Variants in TXNDC16 observed in about 807,000 individuals in gnomAD.
TXNDC16 encodes the protein thioredoxin domain-containing protein 16.
TXNDC16 carries 74 observed loss-of-function variants against 85.6 expected under a neutral mutation model. The ratio of observed to expected loss-of-function variants is 0.86; its 90% CI spans 0.72 to 1.05. The LOEUF (loss-of-function observed/expected upper bound fraction) is 1.05. TXNDC16 is among the 50% of genes least tolerant of loss of function. The probability of loss-of-function intolerance (pLI) is 0.00; values close to 1 mark genes in which losing one functional copy is unlikely to be tolerated. For missense variants in TXNDC16, 959 were observed against 947.0 expected (o/e 1.01, Z -0.17); for synonymous variants, 335 against 326.5 (o/e 1.03, Z -0.28).
intron 7 of TXNDC16, among the ~76,000 whole-genome samples, chr14:52,516,238 C>T (rs375036895): frequency 2.6e-5 from 4 of 152,122 alleles, no homozygotes; most frequent in Non-Finnish European, 5.9e-5. Flanking sequence ...TTATTGCTTC[C>T]TTGTGCCCAT....
intron 14 of TXNDC16, 78 bp downstream of exon 14, chr14:52,482,152 A>AT: frequency 1.5e-6 from 2 of 1,337,686 alleles, no homozygotes; most frequent in Non-Finnish European, 1.0e-6. Flanking sequence ...GGTTTTCTAT[A>AT]TTTTTTGCAT....
chr14:52,494,752 T>A (rs1340990243), intron 9 of TXNDC16, among the ~76,000 whole-genome samples: 2 of 152,248 alleles, frequency 1.3e-5, no homozygotes, highest in Non-Finnish European at 2.9e-5. Context: ...TATATATTTT[T>A]AAAATATCAC....
At chr14:52,549,786 C>T (rs539360911) in intron 1 of TXNDC16, among the ~76,000 whole-genome samples, 1 of 151,946 alleles carries the variant, frequency 6.6e-6, no homozygotes, top group East Asian at 1.9e-4. Context: ...TACAGGCGCC[C>T]GCCACCACAC....
chr14:52,524,145 G>T (rs2037273037), intron 6 of TXNDC16, among the ~76,000 whole-genome samples: 1 of 152,230 alleles, frequency 6.6e-6, no homozygotes, highest in Non-Finnish European at 1.5e-5. Flanking sequence ...AACAGCATGG[G>T]CACAGTTCAG....
Position 52,486,377 on chromosome 14 carries a change from G to A in TXNDC16, c.1108+1986C>T, listed in dbSNP as rs377327127. On this transcript the variant is annotated intron_variant, in intron 12 of 20. Transcript: ENST00000281741. The stretch of plus-strand genomic sequence containing the variant: ...CAGCTCACTGCAACCTCCAGCTCCT[G>A]GGCTCAAGTAATCCTCCCACCTCAG... Among the ~76,000 whole-genome samples the A allele has an allele frequency of 3.8e-4, 57 of 148,322 alleles. 1 individual carries two copies. The highest frequency in any genetic ancestry group is 3.6e-3 in the East Asian group (18 of 5,016).
chr14:52,439,405 G>C lies in TXNDC16; in HGVS notation c.2004-11C>G. The C allele has an allele frequency of 6.3e-7, 1 of 1,594,154 alleles. No homozygotes were observed. Among genetic ancestry groups the C allele is most frequent in the Non-Finnish European group, 8.6e-7 (1 of 1,168,488 alleles). Reference sequence around the variant, plus strand: ...ACTGGAGTATTCTTTCTGCAAAAGGGAACAATTGAACATATTAATATTTCT... The same window carrying C: ...ACTGGAGTATTCTTTCTGCAAAAGGCAACAATTGAACATATTAATATTTCT... On this transcript the variant is annotated splice_polypyrimidine_tract_variant and intron_variant, in intron 19 of 20. Transcript: ENST00000281741.
Position 52,529,899 on chromosome 14 carries a change from AT to A in TXNDC16, c.392+6819del, listed in dbSNP as rs1423648974. On this transcript the variant is annotated intron_variant, in intron 6 of 20. Coordinates refer to ENST00000281741, the MANE Select transcript of TXNDC16 (RefSeq NM_020784.3). ...ATTATATATATGAATTATATATTAT[AT>A]ATTATATATTATATAATATACATTA... 5.8e-5 allele frequency among the ~76,000 whole-genome samples: 6 copies of A among 103,884 alleles called. No individual in the cohort carries two copies. The East Asian group carries it at 1.8e-3, about 31-fold the overall frequency. 68.2% of individuals were successfully genotyped at this position (103,884 alleles called of 152,430 possible).
At chr14:52,461,002 T>C (rs1025170776) in intron 16 of TXNDC16, among the ~76,000 whole-genome samples, 3 of 151,612 alleles carry the variant, frequency 2.0e-5, no homozygotes, top group African/African-American at 7.2e-5. Flanking sequence ...TGTAATCTCA[T>C]AACAATTTTG....
chr14:52,524,186 ACTTT>A (rs2037274072), intron 6 of TXNDC16, among the ~76,000 whole-genome samples: 1 of 152,228 alleles, frequency 6.6e-6, no homozygotes, highest in South Asian at 2.1e-4. Context: ...TGTAAAAGTA[ACTTT>A]CCCCCGAGGT....
chr14:52,458,534 G>A (rs58797665), intron 16 of TXNDC16, among the ~76,000 whole-genome samples: 2,348 of 151,568 alleles, frequency 0.015, 48 homozygotes, highest in African/African-American at 0.054. Flanking sequence ...GCCACAGAGC[G>A]AGACTCTGTC....
intron 18 of TXNDC16, among the ~76,000 whole-genome samples, chr14:52,443,544 A>G (rs527839580): frequency 6.6e-6 from 1 of 152,314 alleles, no homozygotes; most frequent in East Asian, 1.9e-4. Context: ...TGTGTGCTTG[A>G]GCAGGGATTT....
At chr14:52,530,938 GAAA>G (rs1223238459) in intron 6 of TXNDC16, among the ~76,000 whole-genome samples, 1 of 151,694 alleles carries the variant, frequency 6.6e-6, no homozygotes, top group African/African-American at 2.4e-5. Flanking sequence ...AAATACTTGT[GAAA>G]AATATATCTG....
At chr14:52,537,095 C>CACAT (rs1366350538) in intron 5 of TXNDC16, among the ~76,000 whole-genome samples, 5 of 150,014 alleles carry the variant, frequency 3.3e-5, no homozygotes, top group African/African-American at 1.2e-4. Flanking sequence ...CACACACACA[C>CACAT]ACATTCCCCA....
intron 1 of TXNDC16, among the ~76,000 whole-genome samples, chr14:52,544,768 T>C (rs1486825815): frequency 6.6e-6 from 1 of 152,018 alleles, no homozygotes; most frequent in Non-Finnish European, 1.5e-5. Context: ...AGAGGCAGTA[T>C]ATATCAAACA....
chr14:52,519,558 A>G (rs2037163147), intron 6 of TXNDC16, among the ~76,000 whole-genome samples: 1 of 152,194 alleles, frequency 6.6e-6, no homozygotes, highest in South Asian at 2.1e-4. Flanking sequence ...TGTATTCACT[A>G]ACACCCTAGT....
intron 9 of TXNDC16, among the ~76,000 whole-genome samples, chr14:52,492,494 C>T (rs1262360808): frequency 6.6e-6 from 1 of 152,176 alleles, no homozygotes; most frequent in Non-Finnish European, 1.5e-5. Context: ...CCAGACAAGA[C>T]TCAACCACAC....
chr14:52,447,705 A>T (rs2035317408), intron 18 of TXNDC16, among the ~76,000 whole-genome samples: 1 of 152,174 alleles, frequency 6.6e-6, no homozygotes, highest in Non-Finnish European at 1.5e-5. Flanking sequence ...AAGACACCAG[A>T]GACCAATCCT....
intron 16 of TXNDC16, among the ~76,000 whole-genome samples, chr14:52,468,864 G>A (rs1311189410): frequency 1.3e-5 from 2 of 151,046 alleles, no homozygotes; most frequent in Admixed American, 6.6e-5. Flanking sequence ...GCAATAGGGC[G>A]AGACCCTGTC....
intron 6 of TXNDC16, among the ~76,000 whole-genome samples, chr14:52,530,790 T>A (rs1400217724): frequency 6.7e-6 from 1 of 148,806 alleles, no homozygotes; most frequent in Non-Finnish European, 1.5e-5. Context: ...AAGAAAAAAT[T>A]CATTTACAAT....
Sources: allele counts gnomAD v4.1 joint callset (sites outside exome capture counted in the v4.1 genomes callset), GRCh38; gene constraint gnomAD v4.1.1; transcripts MANE v1.5; gene names NCBI Gene and HGNC (gene_info 2026-07-23, HGNC 2026-07-21).